CDH8: variants seen among roughly 807,000 people sequenced by gnomAD.
The protein encoded by CDH8 is cadherin-8.
A neutral mutation model predicts 68.1 loss-of-function variants in CDH8; 17 were observed. The observed-to-expected ratio is 0.25, with a 90% CI of 0.17 to 0.37. The LOEUF is 0.37. CDH8 is among the 10% of genes least tolerant of loss of function. CDH8 has a pLI of 1.00. For synonymous variants in CDH8, 372 were observed against 365.1 expected (o/e 1.02, Z -0.21); for missense variants, 763 against 999.3 (o/e 0.76, Z 3.19).
chr16:61,730,444 C>T (rs908588842), intron 8 of CDH8, among the ~76,000 whole-genome samples: 5 of 151,268 alleles, frequency 3.3e-5, no homozygotes, highest in Admixed American at 2.6e-4. Context: ...CCTCTGCAAG[C>T]GACTAATGTT....
intron 3 of CDH8, 99 bp downstream of exon 3, chr16:61,901,080 G>A: frequency 1.9e-6 from 2 of 1,080,098 alleles, no homozygotes; most frequent in South Asian, 1.6e-5. Flanking sequence ...AGATAAGGTG[G>A]TAATAAATGT....
intron 7 of CDH8, among the ~76,000 whole-genome samples, chr16:61,799,996 C>T (rs1185640587): frequency 1.3e-5 from 2 of 152,150 alleles, no homozygotes; most frequent in East Asian, 3.9e-4. Context: ...GTCACCTTCA[C>T]TTCCCAGGGT....
At chr16:61,885,716 A>C (rs1963660507) in intron 3 of CDH8, among the ~76,000 whole-genome samples, 1 of 151,998 alleles carries the variant, frequency 6.6e-6, no homozygotes, top group Non-Finnish European at 1.5e-5. Context: ...CAATCCAAAA[A>C]AAAAAAAAAA....
chr16:61,958,364 T>A (rs188639951), intron 2 of CDH8, among the ~76,000 whole-genome samples: 2 of 152,206 alleles, frequency 1.3e-5, no homozygotes, highest in African/African-American at 2.4e-5. Context: ...AGTATGATGA[T>A]ATGTGGGAAA....
At chr16:61,893,415 A>AGT (rs139637026) in intron 3 of CDH8, among the ~76,000 whole-genome samples, 24,153 of 145,622 alleles carry the variant, frequency 0.17, 1,983 homozygotes, top group Middle Eastern at 0.21. Flanking sequence ...TGTGTGTGTG[A>AGT]GTGTGTGTGT....
intron 2 of CDH8, among the ~76,000 whole-genome samples, chr16:61,930,667 T>C (rs1301513633): frequency 6.6e-6 from 1 of 152,224 alleles, no homozygotes; most frequent in African/African-American, 2.4e-5. Flanking sequence ...GTGGACCCTT[T>C]ATTTCATAAA....
At chr16:61,879,251 C>T (rs1341003632) in intron 3 of CDH8, among the ~76,000 whole-genome samples, 1 of 152,074 alleles carries the variant, frequency 6.6e-6, no homozygotes. Flanking sequence ...AAGTGACTTC[C>T]TCTTAAATAG....
chr16:61,943,109 G>A (rs908079063), intron 2 of CDH8, among the ~76,000 whole-genome samples: 1 of 152,094 alleles, frequency 6.6e-6, no homozygotes, highest in African/African-American at 2.4e-5. Context: ...CACCAATACA[G>A]AAAATATTTT....
chr16:61,815,577 G>A (rs114759554), intron 7 of CDH8, among the ~76,000 whole-genome samples: 2,055 of 152,214 alleles, frequency 0.014, 51 homozygotes, highest in African/African-American at 0.047. Flanking sequence ...TGTAGTCCAT[G>A]TTGGGAGCTT....
At chr16:61,871,840 A>C (rs996703613) in intron 3 of CDH8, among the ~76,000 whole-genome samples, 1 of 147,040 alleles carries the variant, frequency 6.8e-6, no homozygotes, top group Non-Finnish European at 1.5e-5. Context: ...AAAAAAAAAA[A>C]AAAAAAACCC....
At chr16:62,014,509 C>G (rs1391744525) in intron 2 of CDH8, among the ~76,000 whole-genome samples, 1 of 152,198 alleles carries the variant, frequency 6.6e-6, no homozygotes, top group African/African-American at 2.4e-5. Flanking sequence ...TAAGCTGTGA[C>G]TGCGTAGTCC....
intron 7 of CDH8, among the ~76,000 whole-genome samples, chr16:61,792,481 CTCAACGTTTTGG>C (rs1729782155): frequency 6.6e-6 from 1 of 151,982 alleles, no homozygotes; most frequent in South Asian, 2.1e-4. Context: ...AAAATTCTGA[CTCAACGTTTTGG>C]TCAACAAGCA....
intron 8 of CDH8, among the ~76,000 whole-genome samples, chr16:61,771,915 A>G (rs966831726): frequency 1.3e-5 from 2 of 151,946 alleles, no homozygotes; most frequent in African/African-American, 4.8e-5. Flanking sequence ...CATACTTGTC[A>G]TCCACACCTC....
intron 8 of CDH8, among the ~76,000 whole-genome samples, chr16:61,735,015 A>G (rs1959636556): frequency 6.6e-6 from 1 of 151,858 alleles, no homozygotes; most frequent in South Asian, 2.1e-4. Context: ...AGTATCTCCA[A>G]TATTTCGTGG....
intron 6 of CDH8, among the ~76,000 whole-genome samples, chr16:61,818,873 T>G (rs1179981658): frequency 6.6e-6 from 1 of 151,700 alleles, no homozygotes; most frequent in East Asian, 1.9e-4. Flanking sequence ...AATTATATAT[T>G]CTTATTTCAA....
At chr16:61,770,201 GA>G (rs754509904) in intron 8 of CDH8, among the ~76,000 whole-genome samples, 4 of 151,910 alleles carry the variant, frequency 2.6e-5, no homozygotes, top group Non-Finnish European at 4.4e-5. Flanking sequence ...TAAGTACACA[GA>G]GACCAGCATT....
At chr16:61,864,298 G>A (rs371012214) in intron 3 of CDH8, among the ~76,000 whole-genome samples, 1 of 100,480 alleles carries the variant, frequency 1.0e-5, no homozygotes, top group Non-Finnish European at 2.2e-5. Flanking sequence ...TGTCCGGTTG[G>A]TTGGTTGGTT....
At chr16:61,714,026 A>G in intron 9 of CDH8, 68 bp from the exon 10 acceptor site, 1 of 930,196 alleles carries the variant, frequency 1.1e-6, no homozygotes, top group Non-Finnish European at 1.8e-6. Flanking sequence ...GTAAAAGCTT[A>G]GTGACATTCT....
At chr16:61,954,785 C>T (rs111465870) in intron 2 of CDH8, among the ~76,000 whole-genome samples, 5,475 of 151,950 alleles carry the variant, frequency 0.036, 340 homozygotes, top group African/African-American at 0.13. Flanking sequence ...AAAAACCAGC[C>T]CAAGCTCATA....
Sources: allele counts gnomAD v4.1 joint callset (sites outside exome capture counted in the v4.1 genomes callset), GRCh38; gene constraint gnomAD v4.1.1; transcripts MANE v1.5; gene names NCBI Gene and HGNC (gene_info 2026-07-23, HGNC 2026-07-21).